ARIH2: variants seen among roughly 807,000 people sequenced by gnomAD.
The protein encoded by ARIH2 is ariadne RBR E3 ubiquitin protein ligase 2.
Under a neutral mutation model 79.8 loss-of-function variants are expected in ARIH2, and 12 were observed. That is an observed-to-expected ratio of 0.15 (90% CI 0.10 to 0.24). ARIH2 has a LOEUF of 0.24. Ranked by LOEUF, ARIH2 falls within the 10% of genes least tolerant of loss-of-function variation. The pLI is 1.00. For missense variants in ARIH2, 301 were observed against 618.3 expected, an observed-to-expected ratio of 0.49 and a Z score of 5.44; for synonymous variants, 224 against 213.9, an observed-to-expected ratio of 1.05 and a Z score of -0.41.
Position 48,920,488 on chromosome 3 carries a change from A to G in ARIH2, c.-162+1490A>G, listed in dbSNP as rs1236570571. Among the ~76,000 whole-genome samples the G allele has an allele frequency of 5.5e-5, 3 of 54,808 alleles. 1 individual carries two copies. Among genetic ancestry groups the G allele is most frequent in the Non-Finnish European group, 9.9e-5 (3 of 30,428 alleles). The allele number at this position is 54,808 out of a possible 152,430, so 36.0% of individuals were successfully genotyped here. On this transcript the variant is annotated intron_variant, in intron 1 of 15. Transcript: ENST00000356401. Reference sequence around the variant, plus strand: ...TTGGTTGGTGAGAAGCCTGTGAGCAATTTCTTTTTTTTTTTTTTTTTTTGA... The same window carrying G: ...TTGGTTGGTGAGAAGCCTGTGAGCAGTTTCTTTTTTTTTTTTTTTTTTTGA...
At chr3:48,954,177 C>T (rs1052194911) in intron 3 of ARIH2, among the ~76,000 whole-genome samples, 19 of 147,694 alleles carry the variant, frequency 1.3e-4, no homozygotes, top group Non-Finnish European at 2.6e-4. Context: ...AAGAAAAGGC[C>T]GGGCTTGGTG....
chr3:48,952,460 A>G (rs980039571), intron 3 of ARIH2, among the ~76,000 whole-genome samples: 2 of 152,172 alleles, frequency 1.3e-5, no homozygotes, highest in Non-Finnish European at 2.9e-5. Context: ...GAATTGTGTT[A>G]TTATTACTGT....
At chr3:48,968,020 G>GC (rs1553715859) in intron 6 of ARIH2, 2 of 147,694 alleles carry the variant, frequency 1.4e-5, no homozygotes, top group Non-Finnish European at 3.0e-5. Context: ...TTTTGGGTTT[G>GC]TTTTTTTTTT....
At position 48,968,577 on chromosome 3, in the gene ARIH2, G is replaced by C. The variant is rs962077158; in HGVS notation, c.582G>C (p.Glu194Asp). Residue 194 changes from glutamate to aspartate, a missense_variant, in exon 7 of 16, where the codon GAG becomes GAC. Around this residue, in one of 2 missense-constraint regions of ARIH2, gnomAD observed 223 missense variants for 349.4 expected, o/e 0.64. Transcript: ENST00000356401. ...AGGACTGTCCACTCCGTACACCAGA[G>C]GACTTTGTGTTTCCATTGCTTCCCA... ...MAQDCPLRTP[E>D]DFVFPLLPNE... 6.2e-7 allele frequency: 1 copy of C among 1,611,912 alleles called. No individual in the cohort carries two copies.
chr3:48,934,918 A>T lies in ARIH2; in HGVS notation c.255+7105A>T, dbSNP rs7653408. ...TTGTGCTTTCTGTCTACCTCAGGAAACATGGAAGTCATGTGTAATCAAGGG... is the reference window on the plus strand; with the variant it reads ...TTGTGCTTTCTGTCTACCTCAGGAATCATGGAAGTCATGTGTAATCAAGGG... On this transcript the variant is annotated intron_variant, in intron 3 of 15. Coordinates refer to ENST00000356401, the MANE Select transcript of ARIH2 (RefSeq NM_006321.4). 16 of 985,104 alleles carry T rather than the reference A, an allele frequency of 1.6e-5. No homozygotes were observed. The South Asian group carries it at 7.0e-4, about 43-fold the overall frequency. The allele number at this position is 985,104 out of a possible 1,614,324, so 61.0% of individuals were successfully genotyped here. A position where few individuals can be genotyped will look rare whatever the true frequency, so the allele number is the denominator to read the frequency against.
intron 3 of ARIH2, among the ~76,000 whole-genome samples, chr3:48,953,366 A>G (rs575566107): frequency 1.3e-5 from 2 of 152,298 alleles, no homozygotes; most frequent in East Asian, 1.9e-4. Context: ...TAAGCTTTGA[A>G]AAGTATTATA....
rs2090614538 is a variant in ARIH2 at position 48,956,630 on chromosome 3, G to A, written c.256-4982G>A. Among the ~76,000 whole-genome samples, 3 of 150,204 alleles carry A rather than the reference G, an allele frequency of 2.0e-5. No individual in the cohort carries two copies. In the South Asian group the frequency reaches 6.4e-4, roughly 32 times the overall value. On this transcript the variant is annotated intron_variant, in intron 3 of 15. Coordinates refer to ENST00000356401, the MANE Select transcript of ARIH2 (RefSeq NM_006321.4). ...ACCTTGATGTGGGGATCCCAGTAGT[G>A]TCTCTTACAGAAGGCTGCTGGGAGA...
chr3:48,933,152 C>T lies in ARIH2; in HGVS notation c.255+5339C>T, dbSNP rs922527953. On this transcript the variant is annotated intron_variant, in intron 3 of 15. Coordinates refer to ENST00000356401, the MANE Select transcript of ARIH2 (RefSeq NM_006321.4). Reference sequence around the variant, plus strand: ...AGTGCAGTGGCACGATGTTGGCTAACTGCAGCCTCCAACTCCCAGGCTCAA... The same window carrying T: ...AGTGCAGTGGCACGATGTTGGCTAATTGCAGCCTCCAACTCCCAGGCTCAA... Among the ~76,000 whole-genome samples the T allele has an allele frequency of 1.2e-4, 18 of 152,260 alleles. No homozygotes were observed. The East Asian group carries it at 1.7e-3, about 15-fold the overall frequency.
intron 3 of ARIH2, among the ~76,000 whole-genome samples, chr3:48,941,088 C>T (rs1443790580): frequency 2.0e-5 from 3 of 150,392 alleles, no homozygotes; most frequent in South Asian, 4.2e-4. Flanking sequence ...AGGAGAATGG[C>T]GTGAACCCAG....
intron 5 of ARIH2, among the ~76,000 whole-genome samples, chr3:48,965,974 T>C (rs964537193): frequency 7.0e-6 from 1 of 141,946 alleles, no homozygotes; most frequent in Non-Finnish European, 1.6e-5. Flanking sequence ...AAAAAAAAAA[T>C]CTAAGCCACC....
At position 48,927,541 on chromosome 3, in the gene ARIH2, A is replaced by G. The variant is rs576696678; in HGVS notation, c.-18A>G. 107 of 1,610,530 alleles carry G rather than the reference A, an allele frequency of 6.6e-5. 1 individual carries two copies. The highest frequency in any genetic ancestry group is 7.9e-5 in the Non-Finnish European group (93 of 1,178,568). On this transcript the variant is annotated 5_prime_UTR_variant, in exon 3 of 16. Transcript: ENST00000356401. The stretch of plus-strand genomic sequence containing the variant: ...AAAGCAACTGCTTTCCTGATCTGCA[A>G]CTTGGCTGGATGCTAAGATGTCAGT...
intron 6 of ARIH2, 152 bp downstream of exon 6, chr3:48,967,427 AAC>A (rs2091877533): frequency 1.2e-6 from 1 of 868,382 alleles, no homozygotes; most frequent in South Asian, 1.8e-5. Context: ...CATCCATACA[AAC>A]AGTGACAAAG....
At chr3:48,973,217 G>C (rs147459846) in intron 8 of ARIH2, among the ~76,000 whole-genome samples, 75 of 152,328 alleles carry the variant, frequency 4.9e-4, no homozygotes, top group African/African-American at 1.4e-3. Context: ...GCTGAGGCGG[G>C]CAGATCTCGA....
chr3:48,959,645 A>T (rs1246087682), intron 3 of ARIH2, among the ~76,000 whole-genome samples: 1 of 143,870 alleles, frequency 7.0e-6, no homozygotes, highest in Non-Finnish European at 1.5e-5. Flanking sequence ...CTACTAAAAA[A>T]TACCAAAAAA....
intron 2 of ARIH2, among the ~76,000 whole-genome samples, chr3:48,925,721 A>AT (rs879571708): frequency 0.025 from 3,419 of 138,024 alleles, 115 homozygotes; most frequent in African/African-American, 0.073. Context: ...TTAGTTTTAG[A>AT]TTTTTTTTTT....
intron 3 of ARIH2, among the ~76,000 whole-genome samples, chr3:48,936,273 A>ATC (rs2087106405): frequency 6.6e-6 from 1 of 152,134 alleles, no homozygotes; most frequent in South Asian, 2.1e-4. Context: ...CAAAGAGGGA[A>ATC]GAATTGTAGG....
intron 11 of ARIH2, among the ~76,000 whole-genome samples, chr3:48,976,976 G>A (rs1465354995): frequency 1.3e-5 from 2 of 151,934 alleles, no homozygotes; most frequent in African/African-American, 2.4e-5. Flanking sequence ...CGAGGTGGGC[G>A]GATCATGAGG....
intron 3 of ARIH2, among the ~76,000 whole-genome samples, chr3:48,948,213 G>A (rs534369851): frequency 9.2e-5 from 14 of 152,096 alleles, no homozygotes; most frequent in South Asian, 6.2e-4. Context: ...CGCCCGCCTC[G>A]GCCTCCTAAA....
chr3:48,977,326 TCTCA>T (rs2092562332), intron 11 of ARIH2, among the ~76,000 whole-genome samples: 1 of 151,786 alleles, frequency 6.6e-6, no homozygotes, highest in Non-Finnish European at 1.5e-5. Context: ...TGAGATGGAG[TCTCA>T]CTCTGTCACC....
Sources: gnomAD v4.1 joint callset for allele counts (sites outside exome capture counted in the v4.1 genomes callset) on GRCh38, gnomAD v4.1.1 for gene constraint, gnomAD v4.1.1 regional missense constraint, MANE v1.5 for transcripts, NCBI Gene and HGNC (gene_info 2026-07-23, HGNC 2026-07-21) for gene names.